MAPKBP1: variants seen among roughly 807,000 people sequenced by gnomAD.
MAPKBP1 encodes the protein mitogen-activated protein kinase binding protein 1, also known as mitogen-activated protein kinase-binding protein 1.
Under a neutral mutation model 170.5 loss-of-function variants are expected in MAPKBP1, and 71 were observed. The observed-to-expected ratio is 0.42, with a 90% CI of 0.34 to 0.51. MAPKBP1 has a LOEUF of 0.51. MAPKBP1 is among the 20% of genes least tolerant of loss of function. The pLI is 0.06. For synonymous variants in MAPKBP1, 719 were observed against 757.9 expected, an observed-to-expected ratio of 0.95 and a Z score of 0.84; for missense variants, 1,598 against 1,933.0, an observed-to-expected ratio of 0.83 and a Z score of 3.25.
At position 41,819,544 on chromosome 15, in the gene MAPKBP1, T is replaced by TGGCA. The variant is rs1555453988; in HGVS notation, c.2426-48_2426-47insAGGC. 7.7e-6 allele frequency: 7 copies of TGGCA among 912,602 alleles called. No homozygotes were observed. The East Asian group carries it at 1.5e-4, about 20-fold the overall frequency. 56.5% of individuals were successfully genotyped at this position (912,602 alleles called of 1,614,324 possible). ...ATGGGGCCAGGGCTCCAGGGTTGGG[T>TGGCA]GGCGGGGGGGGGGCAGGAGACACTT... On this transcript the variant is annotated intron_variant, in intron 21 of 30. Transcript: ENST00000457542.
In MAPKBP1 at chr15:41,823,632, C is replaced by G. The variant is rs779138558; in HGVS notation, c.3784C>G (p.Leu1262Val). Residue 1262 changes from leucine to valine, a missense_variant, in exon 29 of 31, where the codon CTG becomes GTG. By Grantham distance (32) the Leu-to-Val change is conservative. Around this residue, in one of 6 missense-constraint regions of MAPKBP1, gnomAD observed 942 missense variants for 953.2 expected, o/e 0.99. Transcript: ENST00000457542. ...CCGCAGTATCTCTGTTGGGGAGAAC[C>G]TGGGCCTGGTGGCTGAACCTCAAGC... ...ISRSISVGEN[L>V]GLVAEPQAHA... The G allele has an allele frequency of 1.2e-6, 2 of 1,614,170 alleles. No homozygotes were observed. Among genetic ancestry groups the G allele is most frequent in the Admixed American group, 3.3e-5 (2 of 60,030 alleles).
At chr15:41,810,218 C>T (rs1284384105) in intron 3 of MAPKBP1, among the ~76,000 whole-genome samples, 1 of 152,190 alleles carries the variant, frequency 6.6e-6, no homozygotes, top group African/African-American at 2.4e-5. Flanking sequence ...TTTCTTCTTC[C>T]CTCCTACACC....
At chr15:41,786,777 A>AAAAAAAAAAAAATAAATATATATAT in intron 2 of MAPKBP1, among the ~76,000 whole-genome samples, 1 of 32,470 alleles carries the variant, frequency 3.1e-5, no homozygotes, top group Non-Finnish European at 5.6e-5. Flanking sequence ...AAAAAAAAAA[A>AAAAAAAAAAAAATAAATATATATAT]ATATATATAT....
intron 9 of MAPKBP1, 82 bp downstream of exon 9, chr15:41,813,863 G>A (rs1261435915): frequency 9.6e-6 from 14 of 1,454,644 alleles, no homozygotes; most frequent in Non-Finnish European, 1.3e-5. Flanking sequence ...GGGAGCAGGT[G>A]AAGAGTGTAT....
chr15:41,784,456 C>T (rs1030760063), intron 2 of MAPKBP1, among the ~76,000 whole-genome samples: 3 of 151,924 alleles, frequency 2.0e-5, no homozygotes, highest in Non-Finnish European at 4.4e-5. Context: ...GCCTGGGCAA[C>T]ATAGCAAGAT....
rs373304967 is a variant in MAPKBP1 at position 41,818,188 on chromosome 15, C to A, written c.1981-6C>A. 2 of 1,612,786 alleles carry A rather than the reference C, an allele frequency of 1.2e-6. No homozygotes were observed. The highest frequency in any genetic ancestry group is 1.7e-6 in the Non-Finnish European group (2 of 1,178,834). ...TCCTCCAGCTGCACACCCTGCTACT[C>A]CTCAGGTGCAGACAGACCCCTCAGG... is the stretch of plus-strand genomic sequence containing the variant. On this transcript the variant is annotated splice_polypyrimidine_tract_variant and splice_region_variant and intron_variant, in intron 17 of 30. Transcript: ENST00000457542. The surrounding 1 kb of genome is among the most constrained non-coding windows in gnomAD (Gnocchi z 5.2).
chr15:41,813,316 C>T, intron 8 of MAPKBP1: 1 of 1,528,760 alleles, frequency 6.5e-7, no homozygotes, highest in Non-Finnish European at 9.1e-7. Flanking sequence ...CCCCTGCTTT[C>T]CTCTTCCGCT....
At position 41,815,758 on chromosome 15, in the gene MAPKBP1, T is replaced by C; in HGVS notation, c.1452T>C (p.Asn484=). Residue 484 remains asparagine, a synonymous_variant, in exon 12 of 31, where the codon AAT becomes AAC. Transcript: ENST00000457542. ...VGIRSVCVSP[N]GQHLASGDRM... is the part of the protein sequence containing the mutation. Reference sequence around the variant, plus strand: ...TCCGCTCGGTGTGTGTCAGCCCCAATGGACAGCATCTAGCATCAGGGGACC... The same window carrying C: ...TCCGCTCGGTGTGTGTCAGCCCCAACGGACAGCATCTAGCATCAGGGGACC... 1 of 1,614,190 alleles carries C rather than the reference T, an allele frequency of 6.2e-7. No homozygotes were observed. Among genetic ancestry groups the C allele is most frequent in the Non-Finnish European group, 8.5e-7 (1 of 1,180,022 alleles).
intron 2 of MAPKBP1, among the ~76,000 whole-genome samples, chr15:41,784,398 C>G (rs1002374552): frequency 3.3e-5 from 5 of 152,100 alleles, no homozygotes; most frequent in Non-Finnish European, 7.4e-5. Flanking sequence ...CCCAGCTACT[C>G]TGGAGGCTGA....
intron 2 of MAPKBP1, among the ~76,000 whole-genome samples, chr15:41,799,361 C>T (rs868168453): frequency 2.0e-5 from 3 of 152,130 alleles, no homozygotes; most frequent in Non-Finnish European, 2.9e-5. Flanking sequence ...TTCTGAGTCA[C>T]CTAATTGATA....
At chr15:41,794,142 G>C (rs4923910) in intron 2 of MAPKBP1, among the ~76,000 whole-genome samples, 51,163 of 151,990 alleles carry the variant, frequency 0.34, 9,186 homozygotes, top group Admixed American at 0.39. Flanking sequence ...TGAGGCAGCA[G>C]AATCGCTTGA....
chr15:41,791,920 T>C (rs1219508700), intron 2 of MAPKBP1, among the ~76,000 whole-genome samples: 5 of 151,866 alleles, frequency 3.3e-5, no homozygotes, highest in Admixed American at 6.6e-5. Flanking sequence ...CCAGGTGTGG[T>C]GGCGCATGCC....
chr15:41,796,295 A>C (rs368550433), intron 2 of MAPKBP1, among the ~76,000 whole-genome samples: 1 of 152,130 alleles, frequency 6.6e-6, no homozygotes, highest in Non-Finnish European at 1.5e-5. Context: ...GGGATGTTCA[A>C]ATTTGTCTCC....
In MAPKBP1 at chr15:41,782,243, T is replaced by C. The variant is rs375476037; in HGVS notation, c.114+6854T>C. ...CGCCACTGCCCTCCAGCCTGGGAGA[T>C]AGCGAGGCTCTGTCTCAAAAAAAAA... On this transcript the variant is annotated intron_variant, in intron 2 of 30. Coordinates refer to ENST00000457542, the MANE Select transcript of MAPKBP1 (RefSeq NM_014994.3). Among the ~76,000 whole-genome samples the C allele has an allele frequency of 5.7e-4, 76 of 132,342 alleles. 1 individual carries two copies. In the East Asian group the frequency reaches 0.014, roughly 24 times the overall value. 86.8% of individuals were successfully genotyped at this position (132,342 alleles called of 152,430 possible). A position where few individuals can be genotyped will look rare whatever the true frequency, so the allele number is the denominator to read the frequency against.
intron 2 of MAPKBP1, among the ~76,000 whole-genome samples, chr15:41,779,468 C>T (rs1473106125): frequency 6.6e-6 from 1 of 152,132 alleles, no homozygotes; most frequent in African/African-American, 2.4e-5. Flanking sequence ...CTCAGCCTCC[C>T]AAAGTGCTGG....
intron 1 of MAPKBP1, chr15:41,774,881 T>C (rs1596055471): frequency 4.6e-6 from 2 of 435,490 alleles, no homozygotes; most frequent in Non-Finnish European, 8.1e-6. Context: ...ATGGGAACAG[T>C]TGGGCATTAA....
intron 2 of MAPKBP1, among the ~76,000 whole-genome samples, chr15:41,790,751 A>G (rs766567830): frequency 6.6e-6 from 1 of 152,196 alleles, no homozygotes; most frequent in Non-Finnish European, 1.5e-5. Flanking sequence ...GACTAGACCC[A>G]AGGTCTGCTC....
chr15:41,823,491 C>T lies in MAPKBP1; in HGVS notation c.3643C>T (p.Leu1215=), dbSNP rs371924542. 1 of 1,613,948 alleles carries T rather than the reference C, an allele frequency of 6.2e-7. No individual in the cohort carries two copies. The highest frequency in any genetic ancestry group is 1.3e-5 in the African/African-American group (1 of 74,932). The part of the protein sequence containing the change: ...SLQAPSPGAL[L]SREIEAQDGL... The stretch of plus-strand genomic sequence containing the variant: ...GCAGGCCCCTTCACCAGGCGCACTG[C>T]TGTCTCGGGAGATCGAAGCTCAGGA... Residue 1215 remains leucine, a synonymous_variant, in exon 29 of 31, where the codon CTG becomes TTG. Coordinates refer to ENST00000457542, the MANE Select transcript of MAPKBP1 (RefSeq NM_014994.3).
Position 41,817,860 on chromosome 15 carries a change from C to A in MAPKBP1, c.1904+125C>A. ...TTTGTACCCCCTTGAGCCTACAGTA[C>A]TTTGCTTCACCCAAGAGGTGGTAGC... On this transcript the variant is annotated intron_variant, in intron 16 of 30. Coordinates refer to ENST00000457542, the MANE Select transcript of MAPKBP1 (RefSeq NM_014994.3). This position sits in a 1 kb window ranked among gnomAD's most constrained non-coding sequence, Gnocchi z 4.2. 1 of 1,553,866 alleles carries A rather than the reference C, an allele frequency of 6.4e-7. No homozygotes were observed.
Sources: allele counts gnomAD v4.1 joint callset (sites outside exome capture counted in the v4.1 genomes callset), GRCh38; gene constraint gnomAD v4.1.1; regional missense constraint gnomAD v4.1.1; non-coding constraint Gnocchi (gnomAD v3.1); transcripts MANE v1.5; gene names NCBI Gene and HGNC (gene_info 2026-07-23, HGNC 2026-07-21).